Variants in CSNK1A1 observed in about 807,000 individuals in gnomAD.
The protein encoded by CSNK1A1 is casein kinase 1 alpha 1.
CSNK1A1 carries 7 observed loss-of-function variants against 46.1 expected under a neutral mutation model. That is an observed-to-expected ratio of 0.15 (90% CI 0.09 to 0.29). The LOEUF (loss-of-function observed/expected upper bound fraction) is 0.29. Ranked by LOEUF, CSNK1A1 falls within the 10% of genes least tolerant of loss-of-function variation. The pLI is 1.00. For synonymous variants in CSNK1A1, 137 were observed against 141.5 expected, an observed-to-expected ratio of 0.97 and a Z score of 0.23; for missense variants, 96 against 417.1, an observed-to-expected ratio of 0.23 and a Z score of 6.71.
rs1760984884 is a variant in CSNK1A1 at position 149,505,219 on chromosome 5, A to G, written c.1006+228T>C. The G allele has an allele frequency of 2.5e-6, 3 of 1,193,364 alleles. No homozygotes were observed. The Admixed American group carries it at 1.2e-4, about 49-fold the overall frequency. The allele number at this position is 1,193,364 out of a possible 1,614,324, so 73.9% of individuals were successfully genotyped here. A position where few individuals can be genotyped will look rare whatever the true frequency, so the allele number is the denominator to read the frequency against. On this transcript the variant is annotated intron_variant, in intron 9 of 9. Coordinates refer to ENST00000377843, the MANE Select transcript of CSNK1A1 (RefSeq NM_001892.6). ...AAATCCCAAGAGAAATGATATAAAT[A>G]TACACACATATATGTATATACAAAT... is the stretch of plus-strand genomic sequence containing the variant.
At position 149,550,198 on chromosome 5, in the gene CSNK1A1, GGAT is replaced by G. The variant is rs750210925; in HGVS notation, c.124-20_124-18del. The stretch of plus-strand genomic sequence containing the variant: ...TGCCACTTCCTGCAGGGGAAAGAGG[GGAT>G]GATGGCATCAACATCCCTACGGATT... On this transcript the variant is annotated intron_variant, in intron 1 of 9. Coordinates refer to ENST00000377843, the MANE Select transcript of CSNK1A1 (RefSeq NM_001892.6). The surrounding 1 kb of genome is among the most constrained non-coding windows in gnomAD (Gnocchi z 4.3). 16 of 1,611,512 alleles carry G rather than the reference GGAT, an allele frequency of 9.9e-6. No homozygotes were observed. In the African/African-American group the frequency reaches 2.0e-4, roughly 20 times the overall value.
intron 2 of CSNK1A1, chr5:149,549,569 G>C: frequency 1.4e-6 from 1 of 693,966 alleles, no homozygotes; most frequent in Non-Finnish European, 2.6e-6. Flanking sequence ...AAAAGGGCAG[G>C]AATATGGGGT....
At chr5:149,511,066 C>T (rs1761207599) in intron 6 of CSNK1A1, among the ~76,000 whole-genome samples, 1 of 152,164 alleles carries the variant, frequency 6.6e-6, no homozygotes, top group Non-Finnish European at 1.5e-5. Context: ...TGACTCACAC[C>T]TGTAATCCCA....
rs530307645 is a variant in CSNK1A1, at chr5:149,499,321, G to T, written c.1007-2461C>A. ...TAAAAAAAAAGGGGAGGGGGAGGGGGGAGTTAAAACAGAGTTGGAGGATGT... is the reference window on the plus strand; with the variant it reads ...TAAAAAAAAAGGGGAGGGGGAGGGGTGAGTTAAAACAGAGTTGGAGGATGT... On this transcript the variant is annotated intron_variant, in intron 9 of 9. Transcript: ENST00000377843. 33 of 686,126 alleles carry T rather than the reference G, an allele frequency of 4.8e-5. 5 individuals are homozygous for T. In the South Asian group the frequency reaches 9.6e-4, roughly 20 times the overall value. 42.5% of individuals were successfully genotyped at this position (686,126 alleles called of 1,614,324 possible).
At chr5:149,499,161 C>T in intron 9 of CSNK1A1, 2 of 985,296 alleles carry the variant, frequency 2.0e-6, no homozygotes, top group Non-Finnish European at 2.4e-6. Context: ...CAGTACTAAG[C>T]ATTCTTTTCC....
Position 149,511,053 on chromosome 5 carries a change from T to C in CSNK1A1, c.675+741A>G, listed in dbSNP as rs1394644296. 3.3e-5 allele frequency among the ~76,000 whole-genome samples: 5 copies of C among 152,284 alleles called. No individual in the cohort carries two copies. In the East Asian group the frequency reaches 9.7e-4, roughly 29 times the overall value. ...ATTAAAATTTAGGACACACCAACAG[T>C]GGTGACTCACACCTGTAATCCCAGT... On this transcript the variant is annotated intron_variant, in intron 6 of 9. Transcript: ENST00000377843.
Position 149,517,829 on chromosome 5 carries a change from T to C in CSNK1A1, c.456+2461A>G. On this transcript the variant is annotated intron_variant, in intron 4 of 9. Transcript: ENST00000377843. This position sits in a 1 kb window ranked among gnomAD's most constrained non-coding sequence, Gnocchi z 4.4. ...CCTGAGAAAGATGGGTCCTGAGAAG[T>C]ACTAACAGTCATGCTTCTTTTCCTC... is the stretch of plus-strand genomic sequence containing the variant. 6.2e-7 allele frequency: 1 copy of C among 1,606,894 alleles called. No homozygotes were observed. The highest frequency in any genetic ancestry group is 8.5e-7 in the Non-Finnish European group (1 of 1,176,322).
At chr5:149,496,990 A>G in intron 9 of CSNK1A1, 130 bp from the exon 10 acceptor site, 2 of 1,456,894 alleles carry the variant, frequency 1.4e-6, no homozygotes, top group Non-Finnish European at 1.8e-6. Flanking sequence ...GTCTCTTGTG[A>G]AAAGTATTAG....
rs1490314221 is a variant in CSNK1A1, at chr5:149,551,177, T to C, written c.-213A>G. ...TTTCTTTTTGCCAGGCCGCAGTTTG[T>C]GAAGGGCTTCTCGGCGGTTACCAGG... On this transcript the variant is annotated 5_prime_UTR_variant, in exon 1 of 10. Coordinates refer to ENST00000377843, the MANE Select transcript of CSNK1A1 (RefSeq NM_001892.6). 4.5e-6 allele frequency: 2 copies of C among 439,786 alleles called. No individual in the cohort carries two copies. The highest frequency in any genetic ancestry group is 8.1e-6 in the Non-Finnish European group (2 of 245,788). 27.2% of individuals were successfully genotyped at this position (439,786 alleles called of 1,614,324 possible).
intron 2 of CSNK1A1, among the ~76,000 whole-genome samples, chr5:149,535,288 G>A (rs1450179202): frequency 6.6e-6 from 1 of 152,102 alleles, no homozygotes; most frequent in Non-Finnish European, 1.5e-5. Context: ...TCACTTACAT[G>A]CTGATCTTGC....
intron 2 of CSNK1A1, among the ~76,000 whole-genome samples, chr5:149,542,595 TATATATATATATATATATATATATATA>T (rs1762274150): frequency 7.1e-4 from 2 of 2,830 alleles, no homozygotes; most frequent in African/African-American, 2.3e-3. Context: ...TACAAATTTA[TATATATATATATATATATATATATATA>T]TATATATATA....
chr5:149,518,797 G>T (rs547551569), intron 4 of CSNK1A1, among the ~76,000 whole-genome samples: 2 of 151,918 alleles, frequency 1.3e-5, no homozygotes, highest in East Asian at 1.9e-4. Flanking sequence ...TAAGGGGGTT[G>T]TGGGGGAGGG....
chr5:149,522,429 CACTT>C (rs1181431564), intron 3 of CSNK1A1, among the ~76,000 whole-genome samples: 2 of 152,198 alleles, frequency 1.3e-5, no homozygotes, highest in Non-Finnish European at 2.9e-5. Context: ...TTCTATAAGA[CACTT>C]ACTTAGAAGT....
At chr5:149,528,869 C>T (rs1012064420) in intron 2 of CSNK1A1, among the ~76,000 whole-genome samples, 3 of 152,108 alleles carry the variant, frequency 2.0e-5, no homozygotes, top group Admixed American at 6.6e-5. Flanking sequence ...AGCACTAACC[C>T]GATTCTCTGA....
At chr5:149,530,990 C>CAA (rs1362585168) in intron 2 of CSNK1A1, among the ~76,000 whole-genome samples, 7 of 54,956 alleles carry the variant, frequency 1.3e-4, no homozygotes, top group African/African-American at 4.6e-4. Flanking sequence ...AACACATAAA[C>CAA]AAAAAAAAAA....
chr5:149,529,996 C>A (rs1761839849), intron 2 of CSNK1A1, among the ~76,000 whole-genome samples: 1 of 151,882 alleles, frequency 6.6e-6, no homozygotes, highest in Non-Finnish European at 1.5e-5. Context: ...TACTATGAGA[C>A]CCAGAATATT....
intron 3 of CSNK1A1, among the ~76,000 whole-genome samples, chr5:149,523,463 C>G (rs1190575402): frequency 1.3e-5 from 2 of 152,236 alleles, no homozygotes; most frequent in Non-Finnish European, 2.9e-5. Flanking sequence ...ATCCTCGTGT[C>G]TTGGTCTCCC....
intron 8 of CSNK1A1, 149 bp from the exon 9 acceptor site, chr5:149,505,744 TG>T: frequency 3.1e-6 from 2 of 650,228 alleles, no homozygotes; most frequent in Non-Finnish European, 2.5e-6. Flanking sequence ...TTATTATAGA[TG>T]AAAAAGGCAG....
At chr5:149,508,370 T>C (rs1761103760) in intron 7 of CSNK1A1, among the ~76,000 whole-genome samples, 2 of 152,208 alleles carry the variant, frequency 1.3e-5, no homozygotes, top group Non-Finnish European at 1.5e-5. Context: ...AGTATGACAA[T>C]GAGACTGAAA....
Sources: allele counts gnomAD v4.1 joint callset (sites outside exome capture counted in the v4.1 genomes callset), GRCh38; gene constraint gnomAD v4.1.1; non-coding constraint Gnocchi (gnomAD v3.1); transcripts MANE v1.5; gene names NCBI Gene and HGNC (gene_info 2026-07-23, HGNC 2026-07-21).